Variants in PCDHA13 observed in about 807,000 individuals in gnomAD.
PCDHA13 encodes protocadherin alpha 13.
PCDHA13 carries 54 observed loss-of-function variants against 64.8 expected under a neutral mutation model. The observed-to-expected ratio is 0.83, with a 90% CI of 0.67 to 1.04. PCDHA13 has a LOEUF of 1.04. Among genes scored for constraint, PCDHA13 ranks in the 50% least tolerant of loss-of-function variants. The pLI is 0.00. For synonymous variants in PCDHA13, 587 were observed against 564.4 expected, an observed-to-expected ratio of 1.04 and a Z score of -0.57; for missense variants, 1,248 against 1,254.3, an observed-to-expected ratio of 0.99 and a Z score of 0.08.
intron 1 of PCDHA13, among the ~76,000 whole-genome samples, chr5:140,923,204 C>T (rs1175108066): frequency 1.3e-5 from 2 of 151,950 alleles, no homozygotes; most frequent in Non-Finnish European, 2.9e-5. Flanking sequence ...ATTTGGGAGG[C>T]TAAGGTGAAA....
intron 1 of PCDHA13, among the ~76,000 whole-genome samples, chr5:140,892,427 C>T (rs1429226685): frequency 6.6e-6 from 1 of 152,170 alleles, no homozygotes; most frequent in Admixed American, 6.5e-5. Flanking sequence ...GATAAAACCT[C>T]ATTATCTAAA....
chr5:140,931,716 T>G (rs1205500293), intron 1 of PCDHA13, among the ~76,000 whole-genome samples: 5 of 151,962 alleles, frequency 3.3e-5, no homozygotes, highest in Admixed American at 3.3e-4. Context: ...TAAAATAACT[T>G]CTATAAATAT....
chr5:140,912,794 C>T (rs1554195532), intron 1 of PCDHA13, among the ~76,000 whole-genome samples: 1 of 151,998 alleles, frequency 6.6e-6, no homozygotes, highest in South Asian at 2.1e-4. Context: ...TGCCAATTTT[C>T]TTGAGGGTTT....
chr5:140,980,978 C>T (rs1482749121), intron 2 of PCDHA13, among the ~76,000 whole-genome samples: 1 of 152,032 alleles, frequency 6.6e-6, no homozygotes, highest in South Asian at 2.1e-4. Flanking sequence ...TCTGACTGAG[C>T]CCACACAATT....
intron 1 of PCDHA13, among the ~76,000 whole-genome samples, chr5:140,900,977 C>T (rs1223245503): frequency 2.0e-5 from 3 of 152,112 alleles, no homozygotes; most frequent in South Asian, 2.1e-4. Flanking sequence ...AGTATCTTTT[C>T]CTATACCTGT....
intron 3 of PCDHA13, among the ~76,000 whole-genome samples, chr5:140,998,364 C>T (rs2097808386): frequency 6.6e-6 from 1 of 152,192 alleles, no homozygotes; most frequent in South Asian, 2.1e-4. Flanking sequence ...AACCACTGCA[C>T]ACACCGTCTC....
intron 1 of PCDHA13, among the ~76,000 whole-genome samples, chr5:140,891,347 A>G (rs1554184792): frequency 6.6e-6 from 1 of 151,926 alleles, no homozygotes; most frequent in African/African-American, 2.4e-5. Context: ...ATTTTGGTGC[A>G]TCCATCACCT....
At chr5:140,980,856 G>A (rs559833499) in intron 2 of PCDHA13, among the ~76,000 whole-genome samples, 2 of 152,004 alleles carry the variant, frequency 1.3e-5, no homozygotes, top group African/African-American at 2.4e-5. Context: ...AATCTTTTTC[G>A]TATGTGTGCT....
intron 1 of PCDHA13, among the ~76,000 whole-genome samples, chr5:140,900,805 G>C (rs1554189444): frequency 6.6e-6 from 1 of 152,118 alleles, no homozygotes; most frequent in Non-Finnish European, 1.5e-5. Context: ...CATAGTGCTT[G>C]TACTAATTTA....
chr5:140,882,841 A>G lies in PCDHA13; in HGVS notation c.573A>G (p.Ser191=). The part of the protein sequence containing the change: ...DAQNSLEQMS[S]LSLVLRKTLD... ...AAAACAGTCTTGAGCAAATGTCTTC[A>G]TTATCACTTGTACTGAGGAAAACAC... Residue 191 remains serine (S), a synonymous_variant, in exon 1 of 4, where the codon TCA becomes TCG. Transcript: ENST00000289272. 1 of 1,614,232 alleles carries G rather than the reference A, an allele frequency of 6.2e-7. No individual in the cohort carries two copies. Among genetic ancestry groups the G allele is most frequent in the East Asian group, 2.2e-5 (1 of 44,894 alleles).
intron 1 of PCDHA13, among the ~76,000 whole-genome samples, chr5:140,974,552 C>A (rs1554236185): frequency 6.6e-6 from 1 of 152,112 alleles, no homozygotes; most frequent in Non-Finnish European, 1.5e-5. Context: ...GCTCTTGTTG[C>A]CCAGGCTGGA....
At chr5:140,965,827 A>G (rs2095939185) in intron 1 of PCDHA13, among the ~76,000 whole-genome samples, 1 of 152,172 alleles carries the variant, frequency 6.6e-6, no homozygotes, top group Non-Finnish European at 1.5e-5. Context: ...TAAACATTTA[A>G]ATATTGGTTA....
chr5:140,956,599 G>A (rs782510228), intron 1 of PCDHA13, among the ~76,000 whole-genome samples: 4 of 152,186 alleles, frequency 2.6e-5, no homozygotes, highest in Non-Finnish European at 5.9e-5. Flanking sequence ...AGGGATATCA[G>A]CTGGAAGTTT....
intron 1 of PCDHA13, among the ~76,000 whole-genome samples, chr5:140,953,382 G>A (rs1554220887): frequency 6.6e-6 from 1 of 152,142 alleles, no homozygotes; most frequent in Admixed American, 6.6e-5. Context: ...ACCCCTCTCA[G>A]TTGTGGATTA....
Position 140,898,031 on chromosome 5 carries a change from G to C in PCDHA13, c.2394+13369G>C, listed in dbSNP as rs550093815. Among the ~76,000 whole-genome samples, 156 of 152,112 alleles carry C rather than the reference G, an allele frequency of 1.0e-3. No individual in the cohort carries two copies. The South Asian group carries it at 0.016, about 16-fold the overall frequency. ...CATATCCTTTGCCCACTTTTTGATG[G>C]GGTTGTTTGTTTTTTTCTTGTAAAT... On this transcript the variant is annotated intron_variant, in intron 1 of 3. Coordinates refer to ENST00000289272, the MANE Select transcript of PCDHA13 (RefSeq NM_018904.3).
chr5:140,973,513 A>G (rs2096591492), intron 1 of PCDHA13, among the ~76,000 whole-genome samples: 1 of 151,864 alleles, frequency 6.6e-6, no homozygotes, highest in Non-Finnish European at 1.5e-5. Context: ...GAAAAAGTTT[A>G]TTTTCTTTGG....
intron 1 of PCDHA13, among the ~76,000 whole-genome samples, chr5:140,897,748 C>G (rs565250286): frequency 6.6e-5 from 10 of 152,214 alleles, no homozygotes; most frequent in Non-Finnish European, 1.5e-4. Flanking sequence ...GTTCTAGATC[C>G]CTGAGGAATC....
chr5:140,883,835 T>C lies in PCDHA13; in HGVS notation c.1567T>C (p.Leu523=), dbSNP rs782244088. The part of the protein sequence containing the change: ...ESGKVYALQP[L]DHEELELLQF... ...CGGCAAGGTGTACGCGCTGCAGCCG[T>C]TGGACCACGAGGAGCTGGAGCTGTT... Residue 523 remains leucine (L), a synonymous_variant, in exon 1 of 4, where the codon TTG becomes CTG. Coordinates refer to ENST00000289272, the MANE Select transcript of PCDHA13 (RefSeq NM_018904.3). 10 of 1,612,448 alleles carry C rather than the reference T, an allele frequency of 6.2e-6. No individual in the cohort carries two copies. The highest frequency in any genetic ancestry group is 4.5e-5 in the East Asian group (2 of 44,844).
chr5:140,968,966 T>C (rs781901506), intron 1 of PCDHA13: 1 of 1,614,216 alleles, frequency 6.2e-7, no homozygotes, highest in East Asian at 2.2e-5. Context: ...GTGCTACCGC[T>C]ACACTGCGTA....
Sources: allele counts gnomAD v4.1 joint callset (sites outside exome capture counted in the v4.1 genomes callset), GRCh38; gene constraint gnomAD v4.1.1; transcripts MANE v1.5; gene names NCBI Gene and HGNC (gene_info 2026-07-23, HGNC 2026-07-21).